The following EPG5 variants were observed in gnomAD, a reference collection of about 807,000 sequenced individuals.
The protein encoded by EPG5 is ectopic P-granules 5 autophagy tethering factor.
EPG5 carries 159 observed loss-of-function variants against 302.7 expected under a neutral mutation model. That is an observed-to-expected ratio of 0.53 (90% CI 0.46 to 0.60). The LOEUF (loss-of-function observed/expected upper bound fraction) is 0.60, where lower values mean the gene tolerates loss of function less well. Among genes scored for constraint, EPG5 ranks in the 20% least tolerant of loss-of-function variants. The probability of loss-of-function intolerance (pLI) is 0.00; values close to 1 mark genes in which losing one functional copy is unlikely to be tolerated. For missense variants in EPG5, 2,896 were observed against 3,092.4 expected (o/e 0.94, Z 1.51); for synonymous variants, 1,158 against 1,136.8 (o/e 1.02, Z -0.37).
At chr18:45,822,878 C>T in the EPG5 span, among the ~76,000 whole-genome samples, 4 of 152,126 alleles carry the variant, frequency 2.6e-5, no homozygotes, top group East Asian at 5.8e-4. Context: ...TCATGCCTTC[C>T]GGGACTATTT....
chr18:45,961,681 C>T (rs764569695), intron 1 of EPG5, among the ~76,000 whole-genome samples: 12 of 152,010 alleles, frequency 7.9e-5, no homozygotes, highest in Non-Finnish European at 1.8e-4. Flanking sequence ...GCCAACATGG[C>T]AAAACCTCTA....
the EPG5 span, chr18:45,825,516 G>A: frequency 1.7e-6 from 1 of 579,398 alleles, no homozygotes. Context: ...TTTTCCACAT[G>A]ACTAAACTCC....
chr18:45,860,303 A>G lies in EPG5; in HGVS notation c.6810T>C (p.Phe2270=), dbSNP rs2145210565. Reference sequence around the variant, plus strand: ...TGTTCATCATCATCAGGACTTCCATAAAGAGGCTGCTGAGGGCCATGTGGC... The same window carrying G: ...TGTTCATCATCATCAGGACTTCCATGAAGAGGCTGCTGAGGGCCATGTGGC... ...QTRHMALSSL[F]MEVLMMMNNA... The change falls in exon 40 of 44, where the codon TTT becomes TTC. Residue 2270 remains phenylalanine, a synonymous_variant. Coordinates refer to ENST00000282041, the MANE Select transcript of EPG5 (RefSeq NM_020964.3). The G allele has an allele frequency of 1.2e-6, 2 of 1,614,236 alleles. No homozygotes were observed. Among genetic ancestry groups the G allele is most frequent in the African/African-American group, 2.7e-5 (2 of 75,066 alleles).
rs771376900 is a variant in EPG5 at position 45,955,291 on chromosome 18, G to C, written c.111C>G (p.Val37=). Residue 37 remains valine, a synonymous_variant, in exon 2 of 44, where the codon GTC becomes GTG. Transcript: ENST00000282041. ...ETPQREESSE[V]SLPKTSREQE... is the part of the protein sequence containing the mutation. ...GCTCTCTGGAGGTTTTTGGAAGGGA[G>C]ACTTCACTGGACTCTTCCCTCTGAG... 6.2e-7 allele frequency: 1 copy of C among 1,612,060 alleles called. No homozygotes were observed. Among genetic ancestry groups the C allele is most frequent in the Admixed American group, 1.7e-5 (1 of 59,586 alleles).
chr18:45,857,376 G>A (rs1385408249), intron 42 of EPG5, among the ~76,000 whole-genome samples: 1 of 152,266 alleles, frequency 6.6e-6, no homozygotes, highest in East Asian at 1.9e-4. Context: ...CTCCCAAAGT[G>A]CTGGGATTAC....
chr18:45,864,759 G>A (rs2048710478), intron 39 of EPG5, among the ~76,000 whole-genome samples: 4 of 152,202 alleles, frequency 2.6e-5, no homozygotes, highest in Admixed American at 6.5e-5. Context: ...TATTACTGCT[G>A]TTTCTACCAA....
intron 27 of EPG5, among the ~76,000 whole-genome samples, chr18:45,891,537 G>A (rs528387971): frequency 6.6e-6 from 1 of 151,538 alleles, no homozygotes; most frequent in South Asian, 2.1e-4. Context: ...AAGGGCAATG[G>A]TCCTTCCTAT....
At chr18:45,914,809 T>G (rs747113059) in intron 20 of EPG5, among the ~76,000 whole-genome samples, 83 of 152,128 alleles carry the variant, frequency 5.5e-4, no homozygotes, top group Non-Finnish European at 5.4e-4. Context: ...CCTGAGACAG[T>G]CCTTAATTCC....
At chr18:45,855,918 G>T (rs890370535) in intron 42 of EPG5, among the ~76,000 whole-genome samples, 1 of 152,188 alleles carries the variant, frequency 6.6e-6, no homozygotes, top group Non-Finnish European at 1.5e-5. Context: ...TGGCAAAGAT[G>T]TGGAGTAACT....
At chr18:45,853,094 C>T (rs959435518) in intron 43 of EPG5, among the ~76,000 whole-genome samples, 1 of 152,236 alleles carries the variant, frequency 6.6e-6, no homozygotes, top group East Asian at 1.9e-4. Context: ...AGGCACCAGC[C>T]TCATCTTGCT....
chr18:45,894,251 G>A lies in EPG5; in HGVS notation c.4810-4311C>T, dbSNP rs189177223. On this transcript the variant is annotated intron_variant, in intron 27 of 43. Coordinates refer to ENST00000282041, the MANE Select transcript of EPG5 (RefSeq NM_020964.3). ...GAGATGGGTGGATCACCTGAGGTCA[G>A]CAGTTCAAGACCAGCCTGGCCAACA... Among the ~76,000 whole-genome samples, 347 of 152,174 alleles carry A rather than the reference G, an allele frequency of 2.3e-3. 2 individuals are homozygous for A. Among genetic ancestry groups the A allele is most frequent in the African/African-American group, 6.0e-3 (251 of 41,500 alleles).
chr18:45,898,455 T>G (rs1424967283), intron 27 of EPG5, among the ~76,000 whole-genome samples: 1 of 152,256 alleles, frequency 6.6e-6, no homozygotes, highest in Non-Finnish European at 1.5e-5. Context: ...CACACTAGCT[T>G]CAGCGAAGCT....
chr18:45,884,574 T>C (rs770249960), intron 30 of EPG5, 43 bp downstream of exon 30: 18 of 1,516,428 alleles, frequency 1.2e-5, no homozygotes, highest in Non-Finnish European at 1.5e-5. Context: ...CAACAATCAT[T>C]CCTACGTTTC....
At position 45,880,113 on chromosome 18, in the gene EPG5, G is replaced by A. The variant is rs567139217; in HGVS notation, c.5629C>T (p.Leu1877Phe). The A allele has an allele frequency of 1.9e-6, 3 of 1,610,288 alleles. No homozygotes were observed. In the African/African-American group the frequency reaches 4.0e-5, roughly 21 times the overall value. Reference sequence around the variant, plus strand: ...AAGAGAGCATCAGAAGAGCTGGGAAGCACGGCGCCCTCGGTGGACGCTGCC... The same window carrying A: ...AAGAGAGCATCAGAAGAGCTGGGAAACACGGCGCCCTCGGTGGACGCTGCC... Reference protein sequence around the residue: ...QGAASTEGAVLPSSSDALLSD... With the variant: ...QGAASTEGAVFPSSSDALLSD... Residue 1877 changes from leucine (L) to phenylalanine (F), a missense_variant, in exon 32 of 44, where the codon CTT becomes TTT. Transcript: ENST00000282041.
At chr18:45,878,723 T>C (rs2049024492) in intron 33 of EPG5, among the ~76,000 whole-genome samples, 1 of 152,284 alleles carries the variant, frequency 6.6e-6, no homozygotes, top group East Asian at 1.9e-4. Context: ...TAGAACCCCA[T>C]CTTAGTAAGA....
At chr18:45,923,136 T>C in intron 15 of EPG5, 132 bp downstream of exon 15, 2 of 963,430 alleles carry the variant, frequency 2.1e-6, no homozygotes, top group South Asian at 3.6e-5. Flanking sequence ...TAGAAGTCAA[T>C]TATAACATCT....
chr18:45,915,489 A>G, intron 20 of EPG5, 22 bp downstream of exon 20: 1 of 1,492,454 alleles, frequency 6.7e-7, no homozygotes, highest in Non-Finnish European at 9.3e-7. Flanking sequence ...ATAACAAATG[A>G]TCCTCTCAGT....
chr18:45,922,633 TCA>T (rs1159739853), intron 15 of EPG5, 33 bp from the exon 16 acceptor site: 30 of 1,607,826 alleles, frequency 1.9e-5, no homozygotes, highest in Non-Finnish European at 2.5e-5. Context: ...GCCACATTAG[TCA>T]CACACAAATT....
intron 16 of EPG5, among the ~76,000 whole-genome samples, chr18:45,919,707 T>C (rs1281813812): frequency 6.6e-6 from 1 of 151,980 alleles, no homozygotes; most frequent in Non-Finnish European, 1.5e-5. Flanking sequence ...AGAGACGGGG[T>C]TTCACCGTGT....
Sources: gnomAD v4.1 joint callset for allele counts (sites outside exome capture counted in the v4.1 genomes callset) on GRCh38, gnomAD v4.1.1 for gene constraint, MANE v1.5 for transcripts, NCBI Gene and HGNC (gene_info 2026-07-23, HGNC 2026-07-21) for gene names.